CAPN15: variants seen among roughly 807,000 people sequenced by gnomAD.
The protein encoded by CAPN15 is calpain-15.
CAPN15 carries 53 observed loss-of-function variants against 97.9 expected under a neutral mutation model. That is an observed-to-expected ratio of 0.54 (90% CI 0.43 to 0.68). CAPN15 has a LOEUF of 0.68. Among genes scored for constraint, CAPN15 ranks in the 30% least tolerant of loss-of-function variants. CAPN15 has a pLI of 0.00. For missense variants in CAPN15, 1,592 were observed against 1,589.8 expected (o/e 1.00, Z -0.02); for synonymous variants, 922 against 722.5 (o/e 1.28, Z -4.43).
intron 3 of CAPN15, among the ~76,000 whole-genome samples, chr16:542,077 T>TG (rs1456263543): frequency 6.6e-6 from 1 of 150,532 alleles, no homozygotes; most frequent in African/African-American, 2.4e-5. Context: ...CCACAGGACG[T>TG]GGGGCCCCGT....
chr16:547,987 C>G lies in CAPN15; in HGVS notation c.1149C>G (p.Asp383Glu). The G allele has an allele frequency of 6.3e-7, 1 of 1,582,184 alleles. No homozygotes were observed. The highest frequency in any genetic ancestry group is 1.8e-5 in the Admixed American group (1 of 56,766). The change falls in exon 4 of 14, where the codon GAC becomes GAG. Residue 383 changes from aspartate to glutamate, a missense_variant. Physicochemically the swap from Asp to Glu is conservative, Grantham distance 45. Around this residue, in one of 3 missense-constraint regions of CAPN15, gnomAD observed 883 missense variants for 776.6 expected, o/e 1.14. Coordinates refer to ENST00000219611, the MANE Select transcript of CAPN15 (RefSeq NM_005632.3). ...EHGEPPTHCP[D>E]CGADKPSPCG... ...GCGAGCCCCCCACCCACTGCCCCGA[C>G]TGTGGGGCCGACAAGCCCAGCCCCT... is the stretch of plus-strand genomic sequence containing the variant.
At chr16:543,998 G>A (rs987937776) in intron 3 of CAPN15, among the ~76,000 whole-genome samples, 3 of 152,170 alleles carry the variant, frequency 2.0e-5, no homozygotes, top group Admixed American at 2.0e-4. Context: ...CCATGCGGCC[G>A]GCGTGGGGCT....
chr16:552,627 C>G lies in CAPN15; in HGVS notation c.2760C>G (p.Val920=), dbSNP rs2035177372. The G allele has an allele frequency of 1.3e-6, 2 of 1,537,022 alleles. No homozygotes were observed. The highest frequency in any genetic ancestry group is 1.7e-6 in the Non-Finnish European group (2 of 1,143,328). Reference sequence around the variant, plus strand: ...TAGCCTCCAGCCCCTCGGCAGGGGTCCCGAGAGCCTCCCCAGAGCCGCCGG... The same window carrying G: ...TAGCCTCCAGCCCCTCGGCAGGGGTGCCGAGAGCCTCCCCAGAGCCGCCGG... ...APQASSPSAG[V]PRASPEPPGH... The change falls in exon 12 of 14, where the codon GTC becomes GTG. Residue 920 remains valine (V), a synonymous_variant. Coordinates refer to ENST00000219611, the MANE Select transcript of CAPN15 (RefSeq NM_005632.3). The surrounding 1 kb of genome is among the most constrained non-coding windows in gnomAD (Gnocchi z 6.4).
rs371637941 is a variant in CAPN15 at position 552,162 on chromosome 16, G to A, written c.2457G>A (p.Thr819=). The part of the protein sequence containing the change: ...ASAPVGVTAL[T]VLERASLEFA... ...CGCCCGTGGGGGTAACAGCGCTCAC[G>A]GTGCTGGAGCGGGCCTCGCTGGAGT... is the stretch of plus-strand genomic sequence containing the variant. The change falls in exon 10 of 14, where the codon ACG becomes ACA. Residue 819 remains threonine (T), a synonymous_variant. Coordinates refer to ENST00000219611, the MANE Select transcript of CAPN15 (RefSeq NM_005632.3). The surrounding 1 kb of genome is among the most constrained non-coding windows in gnomAD (Gnocchi z 6.4). The A allele has an allele frequency of 5.8e-5, 89 of 1,544,022 alleles. No individual in the cohort carries two copies. In the Admixed American group the frequency reaches 9.3e-4, roughly 16 times the overall value.
chr16:542,894 A>AAAT (rs1293576056), intron 3 of CAPN15, among the ~76,000 whole-genome samples: 3 of 152,154 alleles, frequency 2.0e-5, no homozygotes, highest in Non-Finnish European at 4.4e-5. Flanking sequence ...TCTCTACTAA[A>AAAT]ACAAAAATTA....
Position 549,032 on chromosome 16 carries a change from C to T in CAPN15, c.1489C>T (p.Pro497Ser). Residue 497 changes from proline (P) to serine (S), a missense_variant, in exon 5 of 14, where the codon CCC (proline) becomes TCC (serine). Physicochemically the swap from Pro to Ser is moderately conservative, Grantham distance 74. Transcript: ENST00000219611. The part of the protein sequence containing the change: ...SFVDDSFPPG[P>S]ESVGFPAGDS... Reference sequence around the variant, plus strand: ...CGTGGATGACAGCTTCCCTCCCGGGCCCGAGTCTGTCGGCTTCCCCGCGGG... The same window carrying T: ...CGTGGATGACAGCTTCCCTCCCGGGTCCGAGTCTGTCGGCTTCCCCGCGGG... The T allele has an allele frequency of 6.2e-7, 1 of 1,612,766 alleles. No individual in the cohort carries two copies. Among genetic ancestry groups the T allele is most frequent in the Non-Finnish European group, 8.5e-7 (1 of 1,179,942 alleles).
intron 3 of CAPN15, among the ~76,000 whole-genome samples, chr16:546,074 G>A (rs1471342486): frequency 3.9e-5 from 6 of 152,200 alleles, no homozygotes; most frequent in East Asian, 1.9e-4. Flanking sequence ...AGCCTCGCCG[G>A]GCCCAGTCCA....
rs111288590 is a variant in CAPN15, at chr16:548,343, C to T, written c.1449+56C>T. 1.1e-5 allele frequency: 15 copies of T among 1,413,852 alleles called. No individual in the cohort carries two copies. In the African/African-American group the frequency reaches 1.4e-4, roughly 13 times the overall value. 87.6% of individuals were successfully genotyped at this position (1,413,852 alleles called of 1,614,324 possible). A position where few individuals can be genotyped will look rare whatever the true frequency, so the allele number is the denominator to read the frequency against. On this transcript the variant is annotated intron_variant, in intron 4 of 13. Transcript: ENST00000219611. ...CTGAGCCTCCTGCTCCCGCCCTCCCCTTCCTAGGCTTTGGGCTCTGGCGAT... is the reference window on the plus strand; with the variant it reads ...CTGAGCCTCCTGCTCCCGCCCTCCCTTTCCTAGGCTTTGGGCTCTGGCGAT...
At chr16:533,618 C>T (rs554664247) in intron 1 of CAPN15, among the ~76,000 whole-genome samples, 20 of 152,270 alleles carry the variant, frequency 1.3e-4, no homozygotes, top group South Asian at 1.2e-3. Flanking sequence ...GTAGCAGGGT[C>T]GGGCCGTGGG....
At chr16:538,894 C>T (rs2033912705) in intron 3 of CAPN15, 1 of 149,860 alleles carries the variant, frequency 6.7e-6, no homozygotes, top group Non-Finnish European at 1.5e-5. Flanking sequence ...AGCCCGCTCA[C>T]CTAGGGCTGC....
chr16:549,373 G>A lies in CAPN15; in HGVS notation c.1744G>A (p.Ala582Thr). 3.1e-6 allele frequency: 5 copies of A among 1,598,340 alleles called. No individual in the cohort carries two copies. Among genetic ancestry groups the A allele is most frequent in the Admixed American group, 1.7e-5 (1 of 59,684 alleles). ...CACGCGCAGCCTGTGTGCAGAGGGC[G>A]CCTACCAGGTGCGGCTGTGCAAGGA... is the stretch of plus-strand genomic sequence containing the variant. ...MVTRSLCAEGAYQVRLCKDGT... is the reference protein window; with the variant it reads ...MVTRSLCAEGTYQVRLCKDGT... The change falls in exon 6 of 14, where the codon GCC becomes ACC. Residue 582 changes from alanine (A) to threonine (T), a missense_variant. Transcript: ENST00000219611.
At chr16:531,770 C>T (rs1242392670) in intron 1 of CAPN15, among the ~76,000 whole-genome samples, 2 of 152,020 alleles carry the variant, frequency 1.3e-5, no homozygotes, top group South Asian at 2.1e-4. Flanking sequence ...CCCAAGGCCC[C>T]CGTCCCCTTC....
Position 546,809 on chromosome 16 carries a change from C to A in CAPN15, c.-22-8C>A. 1 of 1,571,684 alleles carries A rather than the reference C, an allele frequency of 6.4e-7. No homozygotes were observed. Among genetic ancestry groups the A allele is most frequent in the Non-Finnish European group, 8.6e-7 (1 of 1,156,296 alleles). ...CAGGGTGGCCCTGATGAGCACCTTC[C>A]CTTGCAGCCACACCCACTCGCCCGG... On this transcript the variant is annotated splice_polypyrimidine_tract_variant and splice_region_variant and intron_variant, in intron 3 of 13. Coordinates refer to ENST00000219611, the MANE Select transcript of CAPN15 (RefSeq NM_005632.3).
Position 552,891 on chromosome 16 carries a change from T to A in CAPN15, c.2933T>A (p.Leu978Gln). Residue 978 changes from leucine (L) to glutamine (Q), a missense_variant, in exon 13 of 14, where the codon CTG becomes CAG. By Grantham distance (113) the Leu-to-Gln change is moderately radical. Around this residue, in one of 3 missense-constraint regions of CAPN15, gnomAD observed 644 missense variants for 699.6 expected, o/e 0.92. Transcript: ENST00000219611. This position sits in a 1 kb window ranked among gnomAD's most constrained non-coding sequence, Gnocchi z 6.4. ...CGTGAGGGCATGACCTGCTACTACC[T>A]GACACACGGTTGGGCGGGGCTCATC... ...EGREGMTCYY[L>Q]THGWAGLIVV... The A allele has an allele frequency of 6.3e-7, 1 of 1,590,292 alleles. No homozygotes were observed. Among genetic ancestry groups the A allele is most frequent in the Non-Finnish European group, 8.6e-7 (1 of 1,165,662 alleles).
chr16:551,671 G>A lies in CAPN15; in HGVS notation c.2345+7G>A, dbSNP rs776003289. 6.3e-7 allele frequency: 1 copy of A among 1,586,886 alleles called. No homozygotes were observed. ...AGTACGGCGACTTTGTCAGGTATCG[G>A]CACCGTGGGGCGGTGTGCACGCCGC... On this transcript the variant is annotated splice_region_variant and intron_variant, in intron 9 of 13. Coordinates refer to ENST00000219611, the MANE Select transcript of CAPN15 (RefSeq NM_005632.3).
intron 1 of CAPN15, among the ~76,000 whole-genome samples, chr16:530,461 C>T (rs374623907): frequency 1.3e-5 from 2 of 152,218 alleles, no homozygotes; most frequent in Admixed American, 6.5e-5. Flanking sequence ...GGCGTGGACA[C>T]GGCCACACCT....
At chr16:543,190 A>G (rs947089735) in intron 3 of CAPN15, 2 of 154,178 alleles carry the variant, frequency 1.3e-5, no homozygotes, top group African/African-American at 4.8e-5. Context: ...TGTAGAAAGG[A>G]TTGTCGTTCC....
At chr16:553,293 AT>A (rs764916741) in intron 13 of CAPN15, 45 bp from the exon 14 acceptor site, 1 of 923,658 alleles carries the variant, frequency 1.1e-6, no homozygotes, top group South Asian at 1.7e-5. Flanking sequence ...CCCTGCCCCC[AT>A]CCCCACCCTG....
At chr16:542,672 C>T (rs2034202119) in intron 3 of CAPN15, among the ~76,000 whole-genome samples, 1 of 152,124 alleles carries the variant, frequency 6.6e-6, no homozygotes, top group African/African-American at 2.4e-5. Context: ...ACTGCAGCTT[C>T]TACTTCCTGG....
Sources: gnomAD v4.1 joint callset for allele counts (sites outside exome capture counted in the v4.1 genomes callset) on GRCh38, gnomAD v4.1.1 for gene constraint, gnomAD v4.1.1 regional missense constraint, Gnocchi (gnomAD v3.1) non-coding constraint, MANE v1.5 for transcripts, NCBI Gene and HGNC (gene_info 2026-07-23, HGNC 2026-07-21) for gene names.